MYO1F: variants seen among roughly 807,000 people sequenced by gnomAD.
The protein encoded by MYO1F is unconventional myosin-If.
In MYO1F, 60 loss-of-function variants were observed where a neutral mutation model predicts 146.6. The observed-to-expected ratio is 0.41, with a 90% CI of 0.33 to 0.51. The LOEUF is 0.51. Among genes scored for constraint, MYO1F ranks in the 20% least tolerant of loss-of-function variants. The pLI is 0.25. For missense variants in MYO1F, 1,274 were observed against 1,534.3 expected, an observed-to-expected ratio of 0.83 and a Z score of 2.83; for synonymous variants, 602 against 602.1, an observed-to-expected ratio of 1.00 and a Z score of 0.00.
At chr19:8,542,051 G>A (rs972848458) in intron 14 of MYO1F, 60 bp from the exon 15 acceptor site, 36 of 1,332,342 alleles carry the variant, frequency 2.7e-5, no homozygotes, top group Admixed American at 1.2e-4. Context: ...GAGGGTGGGC[G>A]TGGGGTGCTT....
chr19:8,559,040 A>G (rs1474589469), intron 1 of MYO1F, among the ~76,000 whole-genome samples: 2 of 151,726 alleles, frequency 1.3e-5, no homozygotes, highest in African/African-American at 4.8e-5. Context: ...CACTAAGCCC[A>G]GCTAATTTTT....
At chr19:8,536,873 G>T in intron 17 of MYO1F, 76 bp downstream of exon 17, 2 of 1,035,740 alleles carry the variant, frequency 1.9e-6, no homozygotes, top group East Asian at 2.7e-5. Context: ...GGAGGTCAGG[G>T]AGGTGTCTCG....
chr19:8,556,265 A>G (rs890482694), intron 1 of MYO1F, among the ~76,000 whole-genome samples: 32 of 150,856 alleles, frequency 2.1e-4, no homozygotes, highest in Non-Finnish European at 3.7e-4. Flanking sequence ...CCTGACTTCA[A>G]GTGATCCACC....
chr19:8,561,615 CTCTT>C (rs995355076), intron 1 of MYO1F, among the ~76,000 whole-genome samples: 28 of 129,572 alleles, frequency 2.2e-4, no homozygotes, highest in African/African-American at 6.7e-4. Context: ...TTTTCTTTCT[CTCTT>C]TCTTTCTTCT....
In MYO1F at chr19:8,536,957, C is replaced by T. The variant is rs763508249; in HGVS notation, c.1791G>A (p.Glu597=). The T allele has an allele frequency of 4.3e-6, 7 of 1,612,576 alleles. No individual in the cohort carries two copies. The Admixed American group carries it at 5.0e-5, about 12-fold the overall frequency. The part of the protein sequence containing the change: ...PNETKRPRDW[E]ENRVKHQVEY... ...TGGTTGGGGGGGATCACCTGTTCTCCTCCCAGTCTCGGGGCCTCTTGGTCT... is the reference window on the plus strand; with the variant it reads ...TGGTTGGGGGGGATCACCTGTTCTCTTCCCAGTCTCGGGGCCTCTTGGTCT... The change falls in exon 17 of 28, where the codon GAG becomes GAA. Residue 597 remains glutamate (E), a synonymous_variant. Coordinates refer to ENST00000644032, the MANE Select transcript of MYO1F (RefSeq NM_012335.4).
At chr19:8,562,570 C>G (rs1331629055) in intron 1 of MYO1F, among the ~76,000 whole-genome samples, 2 of 152,142 alleles carry the variant, frequency 1.3e-5, no homozygotes, top group Non-Finnish European at 2.9e-5. Flanking sequence ...GGGTCTTGCT[C>G]TGTTGCCCAG....
chr19:8,541,602 T>G, intron 15 of MYO1F: 1 of 385,548 alleles, frequency 2.6e-6, no homozygotes, highest in East Asian at 5.7e-5. Context: ...GTAATTTTTA[T>G]AATTTTAGTA....
In MYO1F at chr19:8,561,022, C is replaced by T. The variant is rs145403661; in HGVS notation, c.4-5226G>A. Among the ~76,000 whole-genome samples the T allele has an allele frequency of 3.8e-3, 583 of 152,074 alleles. 5 individuals carry two copies. The highest frequency in any genetic ancestry group is 5.7e-3 in the Non-Finnish European group (389 of 67,982). ...AAAGTGCTGGGATTATAGGTGTGAG[C>T]CACTGCGCCTGGCCACGCCTGGCTA... On this transcript the variant is annotated intron_variant, in intron 1 of 27. Coordinates refer to ENST00000644032, the MANE Select transcript of MYO1F (RefSeq NM_012335.4).
intron 17 of MYO1F, 31 bp from the exon 18 acceptor site, chr19:8,536,628 G>C (rs1221532303): frequency 2.7e-6 from 4 of 1,482,238 alleles, no homozygotes; most frequent in Non-Finnish European, 3.7e-6. Context: ...AGTCCCCTCG[G>C]GGTGGGGAGT....
chr19:8,527,411 G>T lies in MYO1F; in HGVS notation c.2401C>A (p.Pro801Thr), dbSNP rs1435168810. 1 of 1,613,886 alleles carries T rather than the reference G, an allele frequency of 6.2e-7. No individual in the cohort carries two copies. The highest frequency in any genetic ancestry group is 8.5e-7 in the Non-Finnish European group (1 of 1,179,952). The change falls in exon 22 of 28, where the codon CCT becomes ACT. Residue 801 changes from proline (P) to threonine (T), a missense_variant. Transcript: ENST00000644032. ...VIGREKVKKGPEKGQVCEVLK... is the reference protein window; with the variant it reads ...VIGREKVKKGTEKGQVCEVLK... ...ACTTCACACACCTGGCCCTTCTCAGGTCCCTTCTTCACTTTCTCTCGCCCA... is the reference window on the plus strand; with the variant it reads ...ACTTCACACACCTGGCCCTTCTCAGTTCCCTTCTTCACTTTCTCTCGCCCA...
intron 14 of MYO1F, 33 bp downstream of exon 14, chr19:8,544,264 A>G (rs1973235935): frequency 6.2e-7 from 1 of 1,604,684 alleles, no homozygotes; most frequent in Non-Finnish European, 8.5e-7. Context: ...GTCTGCGAGG[A>G]GGCACAGGGT....
chr19:8,554,641 G>A lies in MYO1F; in HGVS notation c.231+13C>T, dbSNP rs1344422753. On this transcript the variant is annotated intron_variant, in intron 3 of 27. Coordinates refer to ENST00000644032, the MANE Select transcript of MYO1F (RefSeq NM_012335.4). ...GTCTGGGGGCTGTGCCTCCCACCCA[G>A]CCCCAGCCTCACCGCGCCCTGATAG... is the stretch of plus-strand genomic sequence containing the variant. The A allele has an allele frequency of 1.9e-6, 3 of 1,613,746 alleles. No individual in the cohort carries two copies. Among genetic ancestry groups the A allele is most frequent in the Non-Finnish European group, 1.7e-6 (2 of 1,179,800 alleles).
intron 25 of MYO1F, among the ~76,000 whole-genome samples, chr19:8,524,416 CAA>C (rs777339567): frequency 0.18 from 15,129 of 83,152 alleles, 918 homozygotes; most frequent in East Asian, 0.21. Context: ...GACTCTGTCT[CAA>C]AAAAAAAAAA....
chr19:8,525,409 C>A, intron 25 of MYO1F, 70 bp downstream of exon 25: 2 of 1,346,248 alleles, frequency 1.5e-6, no homozygotes, highest in Non-Finnish European at 2.1e-6. Context: ...ATTTCGTTTG[C>A]TGAAGGTCTG....
intron 17 of MYO1F, 69 bp from the exon 18 acceptor site, chr19:8,536,666 G>T (rs751282959): frequency 1.4e-6 from 1 of 716,742 alleles, no homozygotes; most frequent in Admixed American, 2.9e-5. Flanking sequence ...GGTGGGAGGT[G>T]CTGGAGGTGG....
In MYO1F at chr19:8,551,872, C is replaced by T; in HGVS notation, c.639G>A (p.Leu213=). 6.2e-7 allele frequency: 1 copy of T among 1,614,104 alleles called. No homozygotes were observed. The highest frequency in any genetic ancestry group is 8.5e-7 in the Non-Finnish European group (1 of 1,180,014). The change falls in exon 8 of 28, where the codon CTG becomes CTA. Residue 213 remains leucine (L), a splice_region_variant and synonymous_variant. Transcript: ENST00000644032. ...TTTGCTCCTGGGAGGCCCCTTCCAG[C>T]AGCTGGAGGGTGTGCCATGTTCATG... ...NERNFHIYYQ[L]LEGASQEQRQ... is the part of the protein sequence containing the mutation.
At chr19:8,571,441 A>C (rs1259606996) in intron 1 of MYO1F, among the ~76,000 whole-genome samples, 1 of 150,038 alleles carries the variant, frequency 6.7e-6, no homozygotes, top group Non-Finnish European at 1.5e-5. Context: ...TTTAGATGGA[A>C]TCTCACTCTG....
At chr19:8,560,773 C>G (rs1301830598) in intron 1 of MYO1F, among the ~76,000 whole-genome samples, 2 of 139,836 alleles carry the variant, frequency 1.4e-5, no homozygotes, top group Admixed American at 7.7e-5. Context: ...GAGTCTTGCT[C>G]TGTCGCCCAG....
chr19:8,538,045 C>T lies in MYO1F; in HGVS notation c.1693-990G>A, dbSNP rs533984213. Among the ~76,000 whole-genome samples, 24 of 151,920 alleles carry T rather than the reference C, an allele frequency of 1.6e-4. No individual in the cohort carries two copies. The South Asian group carries it at 5.0e-3, about 32-fold the overall frequency. ...GGAGTGCAGTGGCATGATCTCGGCT[C>T]ACTGCAACCTCCGTCTCCCAGGTTC... On this transcript the variant is annotated intron_variant, in intron 16 of 27. Transcript: ENST00000644032.
Sources: allele counts gnomAD v4.1 joint callset (sites outside exome capture counted in the v4.1 genomes callset), GRCh38; gene constraint gnomAD v4.1.1; transcripts MANE v1.5; gene names NCBI Gene and HGNC (gene_info 2026-07-23, HGNC 2026-07-21).